BRIP1: variants seen among roughly 807,000 people sequenced by gnomAD.
BRIP1 encodes the protein Fanconi anemia group J protein.
A neutral mutation model predicts 119.7 loss-of-function variants in BRIP1; 88 were observed. The ratio of observed to expected loss-of-function variants is 0.74; its 90% CI spans 0.62 to 0.88. The LOEUF is 0.88. Ranked by LOEUF, BRIP1 falls within the 40% of genes least tolerant of loss-of-function variation. BRIP1 has a pLI of 0.00. For synonymous variants in BRIP1, 443 were observed against 496.5 expected, an observed-to-expected ratio of 0.89 and a Z score of 1.43; for missense variants, 1,259 against 1,455.4, an observed-to-expected ratio of 0.87 and a Z score of 2.20.
At position 61,734,316 on chromosome 17, in the gene BRIP1, A is replaced by G. The variant is rs1603300635; in HGVS notation, c.2379+8697T>C. 6.6e-6 allele frequency among the ~76,000 whole-genome samples: 1 copy of G among 152,228 alleles called. No homozygotes were observed. The highest frequency in any genetic ancestry group is 1.5e-5 in the Non-Finnish European group (1 of 68,032). ...ACTTTTATTTTAGTTATACTTTTCC[A>G]TCGACATCTAGTCATATAAAAGCCT... On this transcript the variant is annotated intron_variant, in intron 16 of 19. Coordinates refer to ENST00000259008, the MANE Select transcript of BRIP1 (RefSeq NM_032043.3). This position sits in a 1 kb window ranked among gnomAD's most constrained non-coding sequence, Gnocchi z 5.2.
chr17:61,816,038 A>G lies in BRIP1; in HGVS notation c.628-7281T>C, dbSNP rs2078231489. ...AAAATTCAAACAGTAGTAGTACCCT[A>G]CTGCCACCGTTTCATGATTAGACTG... On this transcript the variant is annotated intron_variant, in intron 6 of 19. Coordinates refer to ENST00000259008, the MANE Select transcript of BRIP1 (RefSeq NM_032043.3). This position sits in a 1 kb window ranked among gnomAD's most constrained non-coding sequence, Gnocchi z 5.0. Among the ~76,000 whole-genome samples, 1 of 152,190 alleles carries G rather than the reference A, an allele frequency of 6.6e-6. No homozygotes were observed. Among genetic ancestry groups the G allele is most frequent in the African/African-American group, 2.4e-5 (1 of 41,446 alleles).
Position 61,762,807 on chromosome 17 carries a change from C to T in BRIP1, c.2097+13594G>A, listed in dbSNP as rs376486091. 8.1e-4 allele frequency among the ~76,000 whole-genome samples: 123 copies of T among 152,230 alleles called. 1 individual carries two copies. The South Asian group carries it at 0.024, about 30-fold the overall frequency. ...AAATTAGTACAGCCATTATAAAAAA[C>T]TGAATGGACATTACTCAAAACACTC... On this transcript the variant is annotated intron_variant, in intron 14 of 19. Coordinates refer to ENST00000259008, the MANE Select transcript of BRIP1 (RefSeq NM_032043.3). This position sits in a 1 kb window ranked among gnomAD's most constrained non-coding sequence, Gnocchi z 4.3.
chr17:61,787,682 T>A (rs1419981586), intron 10 of BRIP1, among the ~76,000 whole-genome samples: 1 of 152,056 alleles, frequency 6.6e-6, no homozygotes, highest in East Asian at 1.9e-4. Context: ...TCTCGCTCTG[T>A]CGCCCAGGCT....
chr17:61,736,597 C>T lies in BRIP1; in HGVS notation c.2379+6416G>A, dbSNP rs2076921895. Among the ~76,000 whole-genome samples the T allele has an allele frequency of 6.6e-6, 1 of 152,120 alleles. No homozygotes were observed. The highest frequency in any genetic ancestry group is 1.5e-5 in the Non-Finnish European group (1 of 68,010). ...TTACTATCATTTCCATCCTTAAAGT[C>T]TCCAGGAATGGAGAGTGGTTGCTGT... On this transcript the variant is annotated intron_variant, in intron 16 of 19. Transcript: ENST00000259008. This position sits in a 1 kb window ranked among gnomAD's most constrained non-coding sequence, Gnocchi z 4.4.
rs970341816 is a variant in BRIP1, at chr17:61,776,157, C to T, written c.2097+244G>A. On this transcript the variant is annotated intron_variant, in intron 14 of 19. Coordinates refer to ENST00000259008, the MANE Select transcript of BRIP1 (RefSeq NM_032043.3). This position sits in a 1 kb window ranked among gnomAD's most constrained non-coding sequence, Gnocchi z 5.0. Reference sequence around the variant, plus strand: ...TCAGCCTCCCAACCTGCTGGGATTACAAGCATGAGCCACCACGTCCAGCCT... The same window carrying T: ...TCAGCCTCCCAACCTGCTGGGATTATAAGCATGAGCCACCACGTCCAGCCT... 3 of 467,608 alleles carry T rather than the reference C, an allele frequency of 6.4e-6. No homozygotes were observed. 29.0% of individuals were successfully genotyped at this position (467,608 alleles called of 1,614,324 possible).
At position 61,756,149 on chromosome 17, in the gene BRIP1, A is replaced by G. The variant is rs1352811141; in HGVS notation, c.2098-11558T>C. Reference sequence around the variant, plus strand: ...AGCAAATTTTCAGTTTCAGATAACAAAATATTTAGGTCTACAGCTTTTATA... The same window carrying G: ...AGCAAATTTTCAGTTTCAGATAACAGAATATTTAGGTCTACAGCTTTTATA... On this transcript the variant is annotated intron_variant, in intron 14 of 19. Coordinates refer to ENST00000259008, the MANE Select transcript of BRIP1 (RefSeq NM_032043.3). The surrounding 1 kb of genome is among the most constrained non-coding windows in gnomAD (Gnocchi z 4.3). 6.6e-6 allele frequency among the ~76,000 whole-genome samples: 1 copy of G among 152,236 alleles called. No individual in the cohort carries two copies. Among genetic ancestry groups the G allele is most frequent in the Non-Finnish European group, 1.5e-5 (1 of 68,036 alleles).
At position 61,683,203 on chromosome 17, in the gene BRIP1, A is replaced by T. The variant is rs2144063705; in HGVS notation, c.*93T>A. On this transcript the variant is annotated 3_prime_UTR_variant, in exon 20 of 20. Coordinates refer to ENST00000259008, the MANE Select transcript of BRIP1 (RefSeq NM_032043.3). The surrounding 1 kb of genome is among the most constrained non-coding windows in gnomAD (Gnocchi z 4.7). Reference sequence around the variant, plus strand: ...AACATAAAATAGTTTTTTAAAAAGTATGCCACTTATTCAATTTACAAATTA... The same window carrying T: ...AACATAAAATAGTTTTTTAAAAAGTTTGCCACTTATTCAATTTACAAATTA... 3 of 1,362,634 alleles carry T rather than the reference A, an allele frequency of 2.2e-6. No individual in the cohort carries two copies. 84.4% of individuals were successfully genotyped at this position (1,362,634 alleles called of 1,614,324 possible).
Position 61,825,666 on chromosome 17 carries a change from T to TAAATAAAA in BRIP1, c.628-16910_628-16909insTTTTATTT, listed in dbSNP as rs1555612028. Among the ~76,000 whole-genome samples, 3 of 143,432 alleles carry TAAATAAAA rather than the reference T, an allele frequency of 2.1e-5. No individual in the cohort carries two copies. The highest frequency in any genetic ancestry group is 2.0e-4 in the East Asian group (1 of 5,016). 94.1% of individuals were successfully genotyped at this position (143,432 alleles called of 152,430 possible). ...ATAAATAAATAAATAAATAAATAAA[T>TAAATAAAA]AAAATAACTGGGAATACAACTAACC... On this transcript the variant is annotated intron_variant, in intron 6 of 19. Coordinates refer to ENST00000259008, the MANE Select transcript of BRIP1 (RefSeq NM_032043.3). This position sits in a 1 kb window ranked among gnomAD's most constrained non-coding sequence, Gnocchi z 4.1.
Position 61,770,499 on chromosome 17 carries a change from TTC to T in BRIP1, c.2097+5900_2097+5901del, listed in dbSNP as rs1378715185. 1.2e-4 allele frequency among the ~76,000 whole-genome samples: 19 copies of T among 152,280 alleles called. No individual in the cohort carries two copies. The highest frequency in any genetic ancestry group is 2.6e-4 in the African/African-American group (11 of 41,552). The stretch of plus-strand genomic sequence containing the variant: ...GATACAAAAGACAATATAAAATGTA[TTC>T]TGTTTTTAATTTTTTTTATCTGATT... On this transcript the variant is annotated intron_variant, in intron 14 of 19. Transcript: ENST00000259008. The surrounding 1 kb of genome is among the most constrained non-coding windows in gnomAD (Gnocchi z 4.7).
rs763422042 is a variant in BRIP1, at chr17:61,802,332, C to T, written c.919-858G>A. Reference sequence around the variant, plus strand: ...AAAATTTTCTAGGATTGGTGGCGTACATCAATGGTCCTAGCTACTCAGGAA... The same window carrying T: ...AAAATTTTCTAGGATTGGTGGCGTATATCAATGGTCCTAGCTACTCAGGAA... On this transcript the variant is annotated intron_variant, in intron 7 of 19. Coordinates refer to ENST00000259008, the MANE Select transcript of BRIP1 (RefSeq NM_032043.3). This position sits in a 1 kb window ranked among gnomAD's most constrained non-coding sequence, Gnocchi z 6.0. 2.6e-5 allele frequency among the ~76,000 whole-genome samples: 4 copies of T among 152,046 alleles called. No homozygotes were observed. Among genetic ancestry groups the T allele is most frequent in the Non-Finnish European group, 5.9e-5 (4 of 67,988 alleles).
In BRIP1 at chr17:61,838,546, A is replaced by AAAATAAAT. The variant is rs71153410; in HGVS notation, c.627+8547_627+8554dup. 6.2e-4 allele frequency among the ~76,000 whole-genome samples: 88 copies of AAAATAAAT among 140,944 alleles called. 1 individual carries two copies. Among genetic ancestry groups the AAAATAAAT allele is most frequent in the East Asian group, 2.9e-3 (14 of 4,870 alleles). 92.5% of individuals were successfully genotyped at this position (140,944 alleles called of 152,430 possible). A position where few individuals can be genotyped will look rare whatever the true frequency, so the allele number is the denominator to read the frequency against. The stretch of plus-strand genomic sequence containing the variant: ...GCGACAGAGCGAGACTCCCTCTCAA[A>AAAATAAAT]AAATAAATAAATAAATAAATAAATA... On this transcript the variant is annotated intron_variant, in intron 6 of 19. Transcript: ENST00000259008.
At chr17:61,685,732 A>C (rs765200045) in intron 19 of BRIP1, 104 bp downstream of exon 19, 2 of 1,063,958 alleles carry the variant, frequency 1.9e-6, no homozygotes, top group South Asian at 2.7e-5. Flanking sequence ...TTATATTACA[A>C]ACCACCATAT....
At position 61,799,179 on chromosome 17, in the gene BRIP1, C is replaced by G. The variant is rs2077949016; in HGVS notation, c.1261G>C (p.Glu421Gln). Reference sequence around the variant, plus strand: ...TTATTGTTGACCATACTATCTAGTTCATCCCGAGCAAACCGAAGCTGAACT... The same window carrying G: ...TTATTGTTGACCATACTATCTAGTTGATCCCGAGCAAACCGAAGCTGAACT... ...TEVQLRFARD[E>Q]LDSMVNNNIR... Residue 421 changes from glutamate (E) to glutamine (Q), a missense_variant, in exon 9 of 20, where the codon GAA (glutamate) becomes CAA (glutamine). Physicochemically the swap from Glu to Gln is conservative, Grantham distance 29. Coordinates refer to ENST00000259008, the MANE Select transcript of BRIP1 (RefSeq NM_032043.3). The surrounding 1 kb of genome is among the most constrained non-coding windows in gnomAD (Gnocchi z 5.1). 1.2e-6 allele frequency: 2 copies of G among 1,613,708 alleles called. No individual in the cohort carries two copies. The highest frequency in any genetic ancestry group is 8.5e-7 in the Non-Finnish European group (1 of 1,179,720).
intron 16 of BRIP1, among the ~76,000 whole-genome samples, chr17:61,718,675 GT>G (rs2061921808): frequency 6.6e-6 from 1 of 152,124 alleles, no homozygotes; most frequent in African/African-American, 2.4e-5. Flanking sequence ...CTCTGTTTGA[GT>G]TTATTCTCCC....
rs2077957061 is a variant in BRIP1 at position 61,799,454 on chromosome 17, A to G, written c.1141-155T>C. Among the ~76,000 whole-genome samples, 1 of 152,138 alleles carries G rather than the reference A, an allele frequency of 6.6e-6. No homozygotes were observed. The highest frequency in any genetic ancestry group is 2.1e-4 in the South Asian group (1 of 4,832). ...TTCTAGGTCTTAAATAAAACTTCTG[A>G]AGCACTATGGCCAACCAAATATCAG... On this transcript the variant is annotated intron_variant, in intron 8 of 19. Transcript: ENST00000259008. This position sits in a 1 kb window ranked among gnomAD's most constrained non-coding sequence, Gnocchi z 5.1.
chr17:61,830,146 C>A (rs1463231589), intron 6 of BRIP1, among the ~76,000 whole-genome samples: 6 of 151,440 alleles, frequency 4.0e-5, no homozygotes, highest in African/African-American at 1.5e-4. Flanking sequence ...GTTGGCCAGC[C>A]TGGTCTCAAA....
At chr17:61,779,803 A>G (rs1298842860) in intron 13 of BRIP1, among the ~76,000 whole-genome samples, 1 of 152,038 alleles carries the variant, frequency 6.6e-6, no homozygotes. Flanking sequence ...CAAAAAAATA[A>G]AAAATTAGCC....
intron 16 of BRIP1, among the ~76,000 whole-genome samples, chr17:61,732,975 T>G (rs1385343388): frequency 6.6e-6 from 1 of 152,208 alleles, no homozygotes; most frequent in Admixed American, 6.5e-5. Context: ...ATAACAGGCA[T>G]AAGCCACTGC....
chr17:61,686,873 T>G lies in BRIP1; in HGVS notation c.2576-708A>C, dbSNP rs1414948637. On this transcript the variant is annotated intron_variant, in intron 18 of 19. Transcript: ENST00000259008. The surrounding 1 kb of genome is among the most constrained non-coding windows in gnomAD (Gnocchi z 5.4). ...AATGCAAAATCAGGTATTTGGACTT[T>G]TACAAAATAAATATTCCCTGCTAAC... Among the ~76,000 whole-genome samples, 1 of 152,176 alleles carries G rather than the reference T, an allele frequency of 6.6e-6. No homozygotes were observed. Among genetic ancestry groups the G allele is most frequent in the Non-Finnish European group, 1.5e-5 (1 of 68,028 alleles).
Sources: allele counts gnomAD v4.1 joint callset (sites outside exome capture counted in the v4.1 genomes callset), GRCh38; gene constraint gnomAD v4.1.1; non-coding constraint Gnocchi (gnomAD v3.1); transcripts MANE v1.5; gene names NCBI Gene and HGNC (gene_info 2026-07-23, HGNC 2026-07-21).